The following TMEFF2 variants were observed in gnomAD, a reference collection of about 807,000 sequenced individuals.
TMEFF2 encodes tomoregulin-2.
TMEFF2 carries 28 observed loss-of-function variants against 53.8 expected under a neutral mutation model. The ratio of observed to expected loss-of-function variants is 0.52; its 90% CI spans 0.39 to 0.71. The LOEUF (loss-of-function observed/expected upper bound fraction) is 0.71, where lower values mean the gene tolerates loss of function less well. Ranked by LOEUF, TMEFF2 falls within the 30% of genes least tolerant of loss-of-function variation. TMEFF2 has a pLI of 0.00. For synonymous variants in TMEFF2, 162 were observed against 166.3 expected (o/e 0.97, Z 0.20); for missense variants, 353 against 455.2 (o/e 0.78, Z 2.04).
At chr2:192,034,530 A>T (rs1260316499) in intron 5 of TMEFF2, among the ~76,000 whole-genome samples, 5 of 152,152 alleles carry the variant, frequency 3.3e-5, no homozygotes, top group Non-Finnish European at 7.3e-5. Context: ...CTATATGGAA[A>T]ATCAATTTCT....
At chr2:192,038,651 CT>C (rs1268669521) in intron 5 of TMEFF2, among the ~76,000 whole-genome samples, 1 of 152,016 alleles carries the variant, frequency 6.6e-6, no homozygotes, top group Non-Finnish European at 1.5e-5. Context: ...ACCACCATGC[CT>C]GGCTAGGTGT....
chr2:192,007,370 C>T (rs187478911), intron 5 of TMEFF2, among the ~76,000 whole-genome samples: 21 of 152,236 alleles, frequency 1.4e-4, no homozygotes, highest in East Asian at 3.9e-4. Flanking sequence ...CTGTGTCTGG[C>T]GCCTTGCTCC....
intron 7 of TMEFF2, among the ~76,000 whole-genome samples, chr2:191,988,811 T>C (rs1302185906): frequency 6.6e-6 from 1 of 152,152 alleles, no homozygotes; most frequent in Non-Finnish European, 1.5e-5. Context: ...TTTTTTGTTT[T>C]TTTGAAAATC....
intron 4 of TMEFF2, among the ~76,000 whole-genome samples, chr2:192,141,459 G>GAAAAAAAAAAAAAAAAAAAAA (rs397987092): frequency 5.6e-5 from 6 of 107,230 alleles, no homozygotes; most frequent in Non-Finnish European, 9.0e-5. Flanking sequence ...TCTCAAAAAA[G>GAAAAAAAAAAAAAAAAAAAAA]AAAAAAAAAA....
chr2:192,075,122 A>C (rs1293680624), intron 4 of TMEFF2, among the ~76,000 whole-genome samples: 1 of 151,096 alleles, frequency 6.6e-6, no homozygotes, highest in Non-Finnish European at 1.5e-5. Flanking sequence ...CACAGATTAG[A>C]ATACTCGAAC....
chr2:192,026,982 A>G (rs1276240680), intron 5 of TMEFF2, among the ~76,000 whole-genome samples: 1 of 152,264 alleles, frequency 6.6e-6, no homozygotes, highest in Non-Finnish European at 1.5e-5. Flanking sequence ...ATAAATGCCA[A>G]TGGAACAGTT....
rs553813316 is a variant in TMEFF2 at position 192,012,102 on chromosome 2, A to G, written c.537-12894T>C. Among the ~76,000 whole-genome samples the G allele has an allele frequency of 1.2e-3, 184 of 152,172 alleles. 1 individual carries two copies. Among genetic ancestry groups the G allele is most frequent in the Non-Finnish European group, 2.1e-3 (141 of 67,986 alleles). On this transcript the variant is annotated intron_variant, in intron 5 of 9. Transcript: ENST00000272771. The stretch of plus-strand genomic sequence containing the variant: ...GTATTTTTAGTAGAGACCAGGGTTC[A>G]CTGTGTTAGCCAGGATGGTCTCAAT...
chr2:192,004,151 T>G (rs1365085204), intron 5 of TMEFF2, among the ~76,000 whole-genome samples: 2 of 152,168 alleles, frequency 1.3e-5, no homozygotes, highest in Admixed American at 1.3e-4. Flanking sequence ...GTTGAAAATA[T>G]TCATTGTGCT....
intron 5 of TMEFF2, among the ~76,000 whole-genome samples, chr2:192,039,524 A>G (rs760800179): frequency 2.6e-5 from 4 of 152,242 alleles, no homozygotes; most frequent in Non-Finnish European, 5.9e-5. Flanking sequence ...CTTATATAAC[A>G]GCAATTTCTT....
intron 4 of TMEFF2, among the ~76,000 whole-genome samples, chr2:192,172,345 T>C (rs1200811619): frequency 6.6e-6 from 1 of 151,884 alleles, no homozygotes; most frequent in Non-Finnish European, 1.5e-5. Context: ...CTTTCCTGCA[T>C]ACCATGCCAG....
At chr2:191,988,315 A>G (rs1045075740) in intron 7 of TMEFF2, among the ~76,000 whole-genome samples, 2 of 152,154 alleles carry the variant, frequency 1.3e-5, no homozygotes, top group African/African-American at 2.4e-5. Context: ...ACAAAGGCCT[A>G]TGTGCCAGCT....
chr2:192,127,561 C>G (rs552860877), intron 4 of TMEFF2, among the ~76,000 whole-genome samples: 3 of 152,312 alleles, frequency 2.0e-5, no homozygotes, highest in African/African-American at 7.2e-5. Flanking sequence ...GGGGAAACCT[C>G]ACTTGCTGGC....
intron 5 of TMEFF2, among the ~76,000 whole-genome samples, chr2:192,034,500 A>G (rs1199599770): frequency 1.3e-5 from 2 of 152,170 alleles, no homozygotes; most frequent in Admixed American, 6.5e-5. Flanking sequence ...TCCTTTTACT[A>G]ATCTCTACAT....
At chr2:192,004,397 G>A (rs2105842442) in intron 5 of TMEFF2, among the ~76,000 whole-genome samples, 1 of 152,312 alleles carries the variant, frequency 6.6e-6, no homozygotes, top group Non-Finnish European at 1.5e-5. Flanking sequence ...TTTGGGTACA[G>A]TTTCAGGCAC....
At chr2:192,046,468 A>G (rs1231917511) in intron 5 of TMEFF2, among the ~76,000 whole-genome samples, 1 of 152,142 alleles carries the variant, frequency 6.6e-6, no homozygotes, top group Non-Finnish European at 1.5e-5. Flanking sequence ...AGAAGGCTGT[A>G]TGTGCTCTGA....
chr2:192,093,612 G>A (rs1401709469), intron 4 of TMEFF2, among the ~76,000 whole-genome samples: 10 of 152,086 alleles, frequency 6.6e-5, no homozygotes, highest in Admixed American at 6.6e-4. Flanking sequence ...TTTCTTTGAA[G>A]TTGCTGAATG....
chr2:192,044,776 T>C (rs1687574179), intron 5 of TMEFF2, among the ~76,000 whole-genome samples: 1 of 152,168 alleles, frequency 6.6e-6, no homozygotes, highest in Non-Finnish European at 1.5e-5. Flanking sequence ...ATAACTACTC[T>C]CCTTTTGAGA....
chr2:192,146,812 C>T (rs1690263883), intron 4 of TMEFF2, among the ~76,000 whole-genome samples: 1 of 152,124 alleles, frequency 6.6e-6, no homozygotes, highest in African/African-American at 2.4e-5. Context: ...TTAGTGATTA[C>T]ACTCTTGAAC....
intron 2 of TMEFF2, among the ~76,000 whole-genome samples, chr2:192,186,916 T>TA (rs1423027869): frequency 6.6e-6 from 1 of 152,188 alleles, no homozygotes; most frequent in Non-Finnish European, 1.5e-5. Context: ...AATAAACTGA[T>TA]AAAGTGCTCA....
Sources: allele counts gnomAD v4.1 joint callset (sites outside exome capture counted in the v4.1 genomes callset), GRCh38; gene constraint gnomAD v4.1.1; transcripts MANE v1.5; gene names NCBI Gene and HGNC (gene_info 2026-07-23, HGNC 2026-07-21).